Variants in ZBTB20 observed in about 807,000 individuals in gnomAD.
The protein encoded by ZBTB20 is zinc finger and BTB domain-containing protein 20.
In ZBTB20, 9 loss-of-function variants were observed where a neutral mutation model predicts 56.9. The ratio of observed to expected loss-of-function variants is 0.16; its 90% CI spans 0.10 to 0.28. The LOEUF (loss-of-function observed/expected upper bound fraction) is 0.28. ZBTB20 is among the 10% of genes least tolerant of loss of function. The pLI is 1.00. For missense variants in ZBTB20, 655 were observed against 1,003.0 expected (o/e 0.65, Z 4.69); for synonymous variants, 417 against 420.7 (o/e 0.99, Z 0.11).
At chr3:114,779,177 A>G (rs1288260798) in intron 5 of ZBTB20, among the ~76,000 whole-genome samples, 3 of 152,050 alleles carry the variant, frequency 2.0e-5, no homozygotes, top group South Asian at 4.2e-4. Context: ...TCCTTGTTCT[A>G]TTTGCTTTAA....
At chr3:114,397,232 C>G (rs1195419402) in intron 7 of ZBTB20, among the ~76,000 whole-genome samples, 2 of 152,148 alleles carry the variant, frequency 1.3e-5, no homozygotes, top group Non-Finnish European at 1.5e-5. Flanking sequence ...TGGACCTATG[C>G]TCCTGCCCAC....
Position 114,762,768 on chromosome 3 carries a change from T to C in ZBTB20, c.-343+38333A>G, listed in dbSNP as rs145575431. Among the ~76,000 whole-genome samples, 565 of 152,302 alleles carry C rather than the reference T, an allele frequency of 3.7e-3. 2 individuals carry two copies. The highest frequency in any genetic ancestry group is 0.015 in the South Asian group (72 of 4,822). The stretch of plus-strand genomic sequence containing the variant: ...TTTCTCAAATGAAAATCCTAATTCA[T>C]AGAAGTTAAAAGTATAGAAGACAAC... On this transcript the variant is annotated intron_variant, in intron 5 of 11. Transcript: ENST00000675478.
intron 1 of ZBTB20, among the ~76,000 whole-genome samples, chr3:115,084,061 TA>T (rs893516911): frequency 1.3e-5 from 2 of 151,794 alleles, no homozygotes; most frequent in Non-Finnish European, 2.9e-5. Flanking sequence ...GTTTTTTTAA[TA>T]AAGGATAGTA....
At chr3:114,358,822 A>G (rs2081510337) in intron 10 of ZBTB20, among the ~76,000 whole-genome samples, 1 of 152,182 alleles carries the variant, frequency 6.6e-6, no homozygotes, top group African/African-American at 2.4e-5. Flanking sequence ...AGGATCTTTG[A>G]TATTGGAAAC....
In ZBTB20 at chr3:114,320,917, G is replaced by A. The variant is rs965347043; in HGVS notation, c.*18088C>T. Reference sequence around the variant, plus strand: ...ATAATATAAACTCCTGACAAGCTATGCCCTAGAATTGCAGCCTCCAAACCT... The same window carrying A: ...ATAATATAAACTCCTGACAAGCTATACCCTAGAATTGCAGCCTCCAAACCT... On this transcript the variant is annotated 3_prime_UTR_variant, in exon 12 of 12. Transcript: ENST00000675478. 6.6e-6 allele frequency: 1 copy of A among 152,202 alleles called. No individual in the cohort carries two copies. Among genetic ancestry groups the A allele is most frequent in the Non-Finnish European group, 1.5e-5 (1 of 68,034 alleles). The allele number at this position is 152,202 out of a possible 1,614,324, so 9.4% of individuals were successfully genotyped here.
At chr3:115,103,869 AG>A (rs1329661842) in intron 1 of ZBTB20, among the ~76,000 whole-genome samples, 1 of 152,216 alleles carries the variant, frequency 6.6e-6, no homozygotes, top group African/African-American at 2.4e-5. Flanking sequence ...CAAATTAAAA[AG>A]TTCTACTCTG....
intron 2 of ZBTB20, among the ~76,000 whole-genome samples, chr3:115,006,612 C>T (rs1427434168): frequency 6.6e-6 from 1 of 151,360 alleles, no homozygotes; most frequent in Non-Finnish European, 1.5e-5. Flanking sequence ...TATGTTTTAG[C>T]AAAGTATCTC....
At chr3:114,433,915 G>T (rs940659456) in intron 7 of ZBTB20, among the ~76,000 whole-genome samples, 7 of 152,276 alleles carry the variant, frequency 4.6e-5, no homozygotes, top group African/African-American at 1.7e-4. Flanking sequence ...TGCATTAGGG[G>T]ATTGGAGGGT....
chr3:115,089,448 C>A (rs1452077901), intron 1 of ZBTB20, among the ~76,000 whole-genome samples: 1 of 151,784 alleles, frequency 6.6e-6, no homozygotes, highest in East Asian at 1.9e-4. Flanking sequence ...ATGAATTCTA[C>A]ATCCAGCTAA....
intron 4 of ZBTB20, among the ~76,000 whole-genome samples, chr3:114,830,772 T>C (rs2073795716): frequency 6.6e-6 from 1 of 151,962 alleles, no homozygotes; most frequent in African/African-American, 2.4e-5. Context: ...TTACATATTT[T>C]ACAATATAAT....
At chr3:114,933,521 C>T (rs992060318) in intron 3 of ZBTB20, among the ~76,000 whole-genome samples, 7 of 152,194 alleles carry the variant, frequency 4.6e-5, no homozygotes, top group African/African-American at 1.4e-4. Flanking sequence ...TCAGCAGCCA[C>T]ACACAAAAAA....
At chr3:114,718,545 CAT>C (rs1448242857) in intron 5 of ZBTB20, among the ~76,000 whole-genome samples, 1 of 152,034 alleles carries the variant, frequency 6.6e-6, no homozygotes, top group Admixed American at 6.6e-5. Context: ...CGCGCTGTGA[CAT>C]ATAAAAAGGT....
intron 7 of ZBTB20, among the ~76,000 whole-genome samples, chr3:114,439,867 G>A (rs975438541): frequency 5.3e-5 from 8 of 152,116 alleles, no homozygotes; most frequent in African/African-American, 1.9e-4. Context: ...CCTTGATTTA[G>A]GATTTTTTAA....
intron 3 of ZBTB20, among the ~76,000 whole-genome samples, chr3:114,904,117 G>A (rs966955319): frequency 1.3e-5 from 2 of 151,960 alleles, no homozygotes; most frequent in African/African-American, 4.8e-5. Context: ...ATACTATAGA[G>A]TGTTTGTTTG....
chr3:115,127,401 C>T (rs939949422), intron 1 of ZBTB20, among the ~76,000 whole-genome samples: 1 of 152,112 alleles, frequency 6.6e-6, no homozygotes, highest in African/African-American at 2.4e-5. Flanking sequence ...AACATCCTGA[C>T]CAACATGACG....
intron 5 of ZBTB20, among the ~76,000 whole-genome samples, chr3:114,757,432 G>C (rs573640543): frequency 6.6e-6 from 1 of 152,248 alleles, no homozygotes; most frequent in South Asian, 2.1e-4. Context: ...TTAAAATCTT[G>C]CATAGAACTC....
At chr3:114,970,887 C>T (rs531439931) in intron 3 of ZBTB20, among the ~76,000 whole-genome samples, 3 of 152,014 alleles carry the variant, frequency 2.0e-5, no homozygotes, top group East Asian at 1.9e-4. Context: ...TGGTAGTGGG[C>T]GCCTGTAGTC....
intron 5 of ZBTB20, among the ~76,000 whole-genome samples, chr3:114,791,284 T>C (rs1312747241): frequency 2.6e-5 from 4 of 152,170 alleles, no homozygotes; most frequent in Admixed American, 2.0e-4. Context: ...GACAGTATTA[T>C]GTCATCAATT....
intron 1 of ZBTB20, among the ~76,000 whole-genome samples, chr3:115,141,148 T>C (rs1251193933): frequency 2.0e-5 from 3 of 152,126 alleles, no homozygotes; most frequent in Non-Finnish European, 4.4e-5. Flanking sequence ...CCTCATGATA[T>C]GGGAATCACT....
Sources: gnomAD v4.1 joint callset for allele counts (sites outside exome capture counted in the v4.1 genomes callset) on GRCh38, gnomAD v4.1.1 for gene constraint, MANE v1.5 for transcripts, NCBI Gene and HGNC (gene_info 2026-07-23, HGNC 2026-07-21) for gene names.